DPP10: variants seen among roughly 807,000 people sequenced by gnomAD.
The protein encoded by DPP10 is inactive dipeptidyl peptidase 10.
A neutral mutation model predicts 120.9 loss-of-function variants in DPP10; 33 were observed. The ratio of observed to expected loss-of-function variants is 0.27; its 90% confidence interval spans 0.21 to 0.37. DPP10 has a LOEUF of 0.37. DPP10 is among the 10% of genes least tolerant of loss of function. DPP10 has a pLI of 1.00. For synonymous variants in DPP10, 337 were observed against 326.1 expected, an observed-to-expected ratio of 1.03 and a Z score of -0.36; for missense variants, 816 against 942.8, an observed-to-expected ratio of 0.87 and a Z score of 1.76.
At chr2:114,806,547 G>A (rs925674849) in intron 1 of DPP10, among the ~76,000 whole-genome samples, 1 of 152,110 alleles carries the variant, frequency 6.6e-6, no homozygotes, top group Non-Finnish European at 1.5e-5. Flanking sequence ...TAATACCTGG[G>A]AATGATATGT....
chr2:114,980,729 C>T (rs1458997796), intron 1 of DPP10, among the ~76,000 whole-genome samples: 1 of 151,806 alleles, frequency 6.6e-6, no homozygotes, highest in East Asian at 1.9e-4. Context: ...AAATCCAACT[C>T]TTAACAATAA....
At chr2:114,951,208 G>A (rs13389118) in intron 1 of DPP10, among the ~76,000 whole-genome samples, 44,923 of 151,972 alleles carry the variant, frequency 0.3, 6,968 homozygotes, top group East Asian at 0.37. Flanking sequence ...ACACTGGCAG[G>A]AAGCGGCAAT....
At chr2:114,812,354 C>A (rs535339610) in intron 1 of DPP10, among the ~76,000 whole-genome samples, 2 of 152,058 alleles carry the variant, frequency 1.3e-5, no homozygotes, top group African/African-American at 2.4e-5. Context: ...GTAAGCCCAG[C>A]GCTTTGGGAG....
At chr2:115,076,888 A>G (rs935799159) in intron 1 of DPP10, among the ~76,000 whole-genome samples, 8 of 152,248 alleles carry the variant, frequency 5.3e-5, no homozygotes, top group African/African-American at 1.9e-4. Flanking sequence ...GCTGTAGACT[A>G]AAATTGTTCA....
At chr2:114,934,938 T>G (rs1454510808) in intron 1 of DPP10, among the ~76,000 whole-genome samples, 2 of 152,190 alleles carry the variant, frequency 1.3e-5, no homozygotes, top group Admixed American at 1.3e-4. Context: ...ATTGGCAAAT[T>G]ATTACATCAT....
At chr2:115,232,148 C>A (rs1002645692) in intron 1 of DPP10, among the ~76,000 whole-genome samples, 5 of 152,084 alleles carry the variant, frequency 3.3e-5, no homozygotes, top group Non-Finnish European at 7.4e-5. Context: ...GACACACTTT[C>A]CACCTTGGCA....
chr2:114,662,439 G>C lies in DPP10; in HGVS notation c.60+219601G>C, dbSNP rs60380226. Reference sequence around the variant, plus strand: ...GGGCCTCGGAGGGAGTCCGCGGAGCGGGACGCCTGCTGCTTGGACCTCGGC... The same window carrying C: ...GGGCCTCGGAGGGAGTCCGCGGAGCCGGACGCCTGCTGCTTGGACCTCGGC... On this transcript the variant is annotated intron_variant, in intron 1 of 25. Transcript: ENST00000410059. Among the ~76,000 whole-genome samples, 85 of 152,310 alleles carry C rather than the reference G, an allele frequency of 5.6e-4. 1 individual carries two copies. In the East Asian group the frequency reaches 0.015, roughly 28 times the overall value.
chr2:114,694,174 G>A (rs1339489098), intron 1 of DPP10, among the ~76,000 whole-genome samples: 2 of 151,822 alleles, frequency 1.3e-5, no homozygotes, highest in East Asian at 3.9e-4. Flanking sequence ...TTTTTAGAAT[G>A]AGAATAATAA....
chr2:114,560,826 G>C (rs974155458), intron 1 of DPP10, among the ~76,000 whole-genome samples: 1 of 152,160 alleles, frequency 6.6e-6, no homozygotes, highest in Non-Finnish European at 1.5e-5. Context: ...AAATAAATGG[G>C]TTCTATAAAT....
intron 1 of DPP10, among the ~76,000 whole-genome samples, chr2:115,017,202 TATA>T (rs968453169): frequency 6.7e-6 from 1 of 149,294 alleles, no homozygotes; most frequent in African/African-American, 2.5e-5. Flanking sequence ...AAACTTCAAG[TATA>T]ATAATAATAA....
chr2:114,625,386 C>T (rs762222628), intron 1 of DPP10, among the ~76,000 whole-genome samples: 7 of 151,772 alleles, frequency 4.6e-5, no homozygotes, highest in Non-Finnish European at 8.8e-5. Flanking sequence ...ACAGGCTTTG[C>T]TGTGTATGTT....
intron 1 of DPP10, among the ~76,000 whole-genome samples, chr2:114,751,297 C>T (rs561796731): frequency 2.0e-5 from 3 of 152,282 alleles, no homozygotes; most frequent in South Asian, 4.1e-4. Flanking sequence ...CAAATATATA[C>T]AAGTGCTTTT....
At chr2:115,287,177 A>G (rs2060439208) in intron 1 of DPP10, among the ~76,000 whole-genome samples, 1 of 152,152 alleles carries the variant, frequency 6.6e-6, no homozygotes, top group African/African-American at 2.4e-5. Context: ...TTAGGGAAGC[A>G]GTGGAGGCTT....
intron 1 of DPP10, among the ~76,000 whole-genome samples, chr2:115,274,069 C>T (rs988476581): frequency 5.3e-5 from 8 of 151,912 alleles, no homozygotes; most frequent in Non-Finnish European, 1.0e-4. Flanking sequence ...CTCTGTAGAG[C>T]GCATCATGCA....
chr2:115,400,775 G>A (rs2068016759), intron 3 of DPP10, among the ~76,000 whole-genome samples: 2 of 152,226 alleles, frequency 1.3e-5, no homozygotes, highest in Non-Finnish European at 1.5e-5. Context: ...TTGCAAGTTA[G>A]AGGAGTATCT....
In DPP10 at chr2:115,331,400, T is replaced by C. The variant is rs7586263; in HGVS notation, c.176-12417T>C. 1.7e-3 allele frequency among the ~76,000 whole-genome samples: 257 copies of C among 152,300 alleles called. 2 individuals are homozygous for C. Among genetic ancestry groups the C allele is most frequent in the African/African-American group, 4.9e-3 (205 of 41,574 alleles). On this transcript the variant is annotated intron_variant, in intron 2 of 25. Transcript: ENST00000410059. ...CAATTTGACTTCCTCTTTTCCTAACTGAATACCCTTTATTTCTTCCTCCTG... is the reference window on the plus strand; with the variant it reads ...CAATTTGACTTCCTCTTTTCCTAACCGAATACCCTTTATTTCTTCCTCCTG...
intron 3 of DPP10, among the ~76,000 whole-genome samples, chr2:115,408,990 G>A (rs2068735763): frequency 6.6e-6 from 1 of 151,476 alleles, no homozygotes; most frequent in African/African-American, 2.4e-5. Context: ...AAGTAGAAAA[G>A]GAGAAAAACA....
chr2:115,245,264 T>C (rs2058481956), intron 1 of DPP10, among the ~76,000 whole-genome samples: 1 of 152,160 alleles, frequency 6.6e-6, no homozygotes, highest in South Asian at 2.1e-4. Context: ...TTTAGGCTGG[T>C]TCGTATTTCT....
intron 3 of DPP10, among the ~76,000 whole-genome samples, chr2:115,405,097 C>G (rs946358995): frequency 3.9e-5 from 6 of 152,154 alleles, no homozygotes; most frequent in Non-Finnish European, 7.3e-5. Flanking sequence ...AGGCAAAAGT[C>G]TAAAGTCCAA....
Sources: gnomAD v4.1 joint callset for allele counts (sites outside exome capture counted in the v4.1 genomes callset) on GRCh38, gnomAD v4.1.1 for gene constraint, MANE v1.5 for transcripts, NCBI Gene and HGNC (gene_info 2026-07-23, HGNC 2026-07-21) for gene names.